Variants in NCALD observed in about 807,000 individuals in gnomAD.
NCALD encodes neurocalcin-delta.
Under a neutral mutation model 18.6 loss-of-function variants are expected in NCALD, and 10 were observed. That is an observed-to-expected ratio of 0.54 (90% confidence interval 0.33 to 0.91). The LOEUF is 0.91. Ranked by LOEUF, NCALD falls within the 40% of genes least tolerant of loss-of-function variation. The pLI, the probability that NCALD is intolerant of heterozygous loss-of-function variation, is 0.03. For synonymous variants in NCALD, 88 were observed against 87.4 expected (o/e 1.01, Z -0.04); for missense variants, 184 against 247.6 (o/e 0.74, Z 1.72).
chr8:102,030,117 G>A (rs1041857190), intron 1 of NCALD, among the ~76,000 whole-genome samples: 3 of 152,190 alleles, frequency 2.0e-5, no homozygotes, highest in African/African-American at 7.2e-5. Context: ...TGGTTCAACA[G>A]GAAGCCAGCG....
At chr8:101,872,480 C>A in intron 4 of NCALD, 1 of 843,084 alleles carries the variant, frequency 1.2e-6, no homozygotes, top group South Asian at 1.3e-5. Flanking sequence ...TTTATACTTT[C>A]CTTGGTGGGT....
At chr8:101,715,726 A>G (rs1179243917) in intron 2 of NCALD, among the ~76,000 whole-genome samples, 1 of 152,258 alleles carries the variant, frequency 6.6e-6, no homozygotes, top group Admixed American at 6.5e-5. Context: ...AAAGCTCATC[A>G]TCACTGGTCA....
At chr8:101,963,823 A>G (rs1819923469) in intron 2 of NCALD, among the ~76,000 whole-genome samples, 1 of 152,142 alleles carries the variant, frequency 6.6e-6, no homozygotes, top group South Asian at 2.1e-4. Flanking sequence ...CCACCTGGAA[A>G]GATATTACTA....
At chr8:101,836,346 T>G (rs76540908) in intron 4 of NCALD, among the ~76,000 whole-genome samples, 6,006 of 152,166 alleles carry the variant, frequency 0.039, 191 homozygotes, top group Non-Finnish European at 0.06. Context: ...CCAAAATAAG[T>G]CAAAAACCCT....
chr8:101,978,351 C>A (rs1820499404), intron 2 of NCALD, among the ~76,000 whole-genome samples: 1 of 152,182 alleles, frequency 6.6e-6, no homozygotes, highest in Admixed American at 6.5e-5. Context: ...AGATTATCAC[C>A]ATCCTCACTC....
intron 2 of NCALD, among the ~76,000 whole-genome samples, chr8:101,940,747 C>T (rs750249755): frequency 5.3e-5 from 8 of 152,102 alleles, no homozygotes; most frequent in Non-Finnish European, 8.8e-5. Context: ...GGATAAACTG[C>T]ACAGAGCCTA....
intron 2 of NCALD, among the ~76,000 whole-genome samples, chr8:101,943,975 C>CA (rs1259601734): frequency 3.0e-5 from 3 of 100,926 alleles, no homozygotes; most frequent in African/African-American, 1.0e-4. Flanking sequence ...AACAAACAAA[C>CA]AAACAAAAAA....
upstream of NCALD, among the ~76,000 whole-genome samples, chr8:101,791,620 T>C (rs1341328285): frequency 6.6e-6 from 1 of 152,166 alleles, no homozygotes; most frequent in African/African-American, 2.4e-5. Flanking sequence ...AAGTAGGATG[T>C]AGACATCAGA....
chr8:101,693,360 A>G (rs1814836495), intron 2 of NCALD: 2 of 123,642 alleles, frequency 1.6e-5, no homozygotes, highest in Non-Finnish European at 3.2e-5. Flanking sequence ...TTCTGTACAG[A>G]CAAGGTCTCA....
intron 4 of NCALD, among the ~76,000 whole-genome samples, chr8:101,811,719 C>T (rs1380337007): frequency 1.3e-5 from 2 of 152,136 alleles, no homozygotes; most frequent in African/African-American, 4.8e-5. Context: ...GGAGATGTTC[C>T]TTCCAGCTGG....
intron 4 of NCALD, among the ~76,000 whole-genome samples, chr8:101,829,574 G>A (rs79844069): frequency 0.021 from 3,156 of 152,024 alleles, 82 homozygotes; most frequent in African/African-American, 0.07. Flanking sequence ...ACTTAACCTA[G>A]GTTTTCCATA....
intron 2 of NCALD, among the ~76,000 whole-genome samples, chr8:101,706,474 A>G (rs1218545789): frequency 6.6e-6 from 1 of 152,206 alleles, no homozygotes; most frequent in African/African-American, 2.4e-5. Flanking sequence ...CTTCATCCAT[A>G]AAATTGGGCT....
At chr8:101,891,240 ATCC>A (rs1816865589) in intron 3 of NCALD, among the ~76,000 whole-genome samples, 1 of 152,156 alleles carries the variant, frequency 6.6e-6, no homozygotes, top group African/African-American at 2.4e-5. Flanking sequence ...ACAGAACTCC[ATCC>A]TACTACCATT....
intron 1 of NCALD, among the ~76,000 whole-genome samples, chr8:102,022,538 G>T (rs145124400): frequency 3.7e-4 from 56 of 152,202 alleles, no homozygotes; most frequent in African/African-American, 1.3e-3. Flanking sequence ...ATTCTGTTTT[G>T]AGCTAGTATT....
At chr8:101,703,117 A>G (rs533917806) in intron 2 of NCALD, among the ~76,000 whole-genome samples, 3 of 149,088 alleles carry the variant, frequency 2.0e-5, no homozygotes, top group Admixed American at 6.7e-5. Flanking sequence ...TCTTATTCTG[A>G]CTCCCTCTTC....
intron 4 of NCALD, among the ~76,000 whole-genome samples, chr8:101,818,644 T>C (rs1813596867): frequency 1.3e-5 from 2 of 152,316 alleles, no homozygotes; most frequent in South Asian, 4.1e-4. Context: ...ATACTATTTT[T>C]ACCCATTTTC....
intron 1 of NCALD, among the ~76,000 whole-genome samples, chr8:102,036,765 A>C (rs1020026124): frequency 6.6e-6 from 1 of 151,190 alleles, no homozygotes; most frequent in Non-Finnish European, 1.5e-5. Context: ...ATATCTCAAA[A>C]AACAACAACA....
rs373588276 is a variant in NCALD, at chr8:101,722,399, G to A, written c.-19-2751C>T. On this transcript the variant is annotated intron_variant, in intron 1 of 3. Transcript: ENST00000220931. ...AAACATCCGGTAATACATAATACCC[G>A]GCTTTCTAGAGCTCTGAGACATTTT... Among the ~76,000 whole-genome samples, 124 of 152,170 alleles carry A rather than the reference G, an allele frequency of 8.1e-4. 4 individuals carry two copies. In the South Asian group the frequency reaches 0.022, roughly 27 times the overall value.
chr8:101,742,443 ATTTC>A (rs1380115741), intron 1 of NCALD, among the ~76,000 whole-genome samples: 2 of 152,202 alleles, frequency 1.3e-5, no homozygotes, highest in Non-Finnish European at 2.9e-5. Flanking sequence ...TCAATTGCTT[ATTTC>A]TTTAAGAATA....
Sources: allele counts gnomAD v4.1 joint callset (sites outside exome capture counted in the v4.1 genomes callset), GRCh38; gene constraint gnomAD v4.1.1; transcripts MANE v1.5; gene names NCBI Gene and HGNC (gene_info 2026-07-23, HGNC 2026-07-21).